The following PDGFC variants were observed in gnomAD, a reference collection of about 807,000 sequenced individuals.
The protein encoded by PDGFC is platelet-derived growth factor C.
Under a neutral mutation model 35.5 loss-of-function variants are expected in PDGFC, and 12 were observed. That is an observed-to-expected ratio of 0.34 (90% CI 0.22 to 0.55). The LOEUF is 0.55. Among genes scored for constraint, PDGFC ranks in the 20% least tolerant of loss-of-function variants. The pLI, the probability that PDGFC is intolerant of heterozygous loss-of-function variation, is 0.91. For synonymous variants in PDGFC, 159 were observed against 148.8 expected, an observed-to-expected ratio of 1.07 and a Z score of -0.50; for missense variants, 322 against 412.4, an observed-to-expected ratio of 0.78 and a Z score of 1.90.
At chr4:156,844,067 C>A (rs943240669) in intron 2 of PDGFC, among the ~76,000 whole-genome samples, 9 of 152,150 alleles carry the variant, frequency 5.9e-5, no homozygotes, top group Admixed American at 2.0e-4. Context: ...AGACCAAACT[C>A]CAAATTAACA....
intron 1 of PDGFC, among the ~76,000 whole-genome samples, chr4:156,963,158 C>T (rs1055386504): frequency 6.6e-5 from 10 of 151,972 alleles, no homozygotes; most frequent in Non-Finnish European, 1.3e-4. Flanking sequence ...AAGAAACAAC[C>T]CAACTACTAG....
At chr4:156,848,586 A>AT (rs1335696932) in intron 2 of PDGFC, among the ~76,000 whole-genome samples, 2 of 151,982 alleles carry the variant, frequency 1.3e-5, no homozygotes, top group South Asian at 4.1e-4. Context: ...TTAAAGCATA[A>AT]TTTTTTTAGT....
chr4:156,963,829 G>A (rs771527552), intron 1 of PDGFC, among the ~76,000 whole-genome samples: 3 of 152,036 alleles, frequency 2.0e-5, no homozygotes, highest in Non-Finnish European at 2.9e-5. Flanking sequence ...AATTATAAAC[G>A]TAGTTATTAT....
At chr4:156,957,462 G>C (rs1328027558) in intron 1 of PDGFC, among the ~76,000 whole-genome samples, 1 of 151,452 alleles carries the variant, frequency 6.6e-6, no homozygotes, top group Non-Finnish European at 1.5e-5. Context: ...TTATCATCTG[G>C]GCCAATTTCT....
intron 1 of PDGFC, among the ~76,000 whole-genome samples, chr4:156,887,530 A>G (rs1054049512): frequency 2.6e-5 from 4 of 152,180 alleles, no homozygotes; most frequent in African/African-American, 4.8e-5. Flanking sequence ...TATCATTCCA[A>G]AAAAGAAATC....
chr4:156,890,648 A>AG (rs1471828651), intron 1 of PDGFC, among the ~76,000 whole-genome samples: 1 of 152,178 alleles, frequency 6.6e-6, no homozygotes, highest in Non-Finnish European at 1.5e-5. Flanking sequence ...CACTAAACTG[A>AG]GATCTCTTTA....
At chr4:156,948,196 T>A (rs1731992344) in intron 1 of PDGFC, among the ~76,000 whole-genome samples, 1 of 139,198 alleles carries the variant, frequency 7.2e-6, no homozygotes, top group African/African-American at 2.7e-5. Flanking sequence ...TCTTCAAGGC[T>A]CAAGAGGGGA....
intron 1 of PDGFC, among the ~76,000 whole-genome samples, chr4:156,914,904 T>C (rs1731122761): frequency 6.6e-6 from 1 of 151,960 alleles, no homozygotes. Context: ...CAGGATTGGA[T>C]AAAATTGACT....
Position 156,970,954 on chromosome 4 carries a change from G to A in PDGFC, c.-51C>T. On this transcript the variant is annotated 5_prime_UTR_variant, in exon 1 of 6. Transcript: ENST00000502773. ...TCACGGCGGGCACTTTGGAAGCAGC[G>A]ACTCCCGAGTCTCTTTCACCACCGC... 1.7e-6 allele frequency: 2 copies of A among 1,188,614 alleles called. No individual in the cohort carries two copies. The highest frequency in any genetic ancestry group is 2.5e-6 in the Non-Finnish European group (2 of 800,420). The allele number at this position is 1,188,614 out of a possible 1,614,324, so 73.6% of individuals were successfully genotyped here.
chr4:156,854,580 TTTTATGTAAATCTCAAGC>T (rs370704267), intron 1 of PDGFC, among the ~76,000 whole-genome samples: 2,236 of 152,138 alleles, frequency 0.015, 18 homozygotes, highest in South Asian at 0.018. Context: ...ACTGTCAAAG[TTTTATGTAAATCTCAAGC>T]AACTAGGCCT....
intron 2 of PDGFC, among the ~76,000 whole-genome samples, chr4:156,833,424 A>G (rs960478807): frequency 6.6e-6 from 1 of 152,198 alleles, no homozygotes; most frequent in African/African-American, 2.4e-5. Context: ...TTAACTTTGC[A>G]CCAATCTTAA....
chr4:156,793,896 A>C (rs1180137005), intron 3 of PDGFC, among the ~76,000 whole-genome samples: 1 of 151,998 alleles, frequency 6.6e-6, no homozygotes, highest in Non-Finnish European at 1.5e-5. Flanking sequence ...CCAAATGTGA[A>C]GCACTCAAGG....
intron 3 of PDGFC, among the ~76,000 whole-genome samples, chr4:156,799,057 C>T (rs993013669): frequency 6.6e-6 from 1 of 151,874 alleles, no homozygotes; most frequent in Non-Finnish European, 1.5e-5. Context: ...ATTATTTTCC[C>T]ATAAAACAAA....
chr4:156,820,825 G>C (rs1186601486), intron 2 of PDGFC, among the ~76,000 whole-genome samples: 4 of 152,002 alleles, frequency 2.6e-5, no homozygotes, highest in Admixed American at 2.6e-4. Context: ...TTCAAATCAA[G>C]GTAAAACATT....
chr4:156,938,469 C>T (rs370908229), intron 1 of PDGFC, among the ~76,000 whole-genome samples: 12 of 152,138 alleles, frequency 7.9e-5, no homozygotes, highest in Middle Eastern at 3.4e-3. Context: ...CTTGCAGATA[C>T]ATTTTTTGAG....
Position 156,948,755 on chromosome 4 carries a change from T to G in PDGFC, c.118+22031A>C, listed in dbSNP as rs148558006. 3.5e-3 allele frequency among the ~76,000 whole-genome samples: 530 copies of G among 152,142 alleles called. 2 individuals are homozygous for G. The highest frequency in any genetic ancestry group is 0.012 in the African/African-American group (486 of 41,548). On this transcript the variant is annotated intron_variant, in intron 1 of 5. Coordinates refer to ENST00000502773, the MANE Select transcript of PDGFC (RefSeq NM_016205.3). ...AACATTTTAGTGTATTTCATTCTAG[T>G]TCCTCTACATACATAGAAATATTTA...
chr4:156,868,103 C>T (rs2111133612), intron 1 of PDGFC, among the ~76,000 whole-genome samples: 1 of 152,234 alleles, frequency 6.6e-6, no homozygotes, highest in South Asian at 2.1e-4. Flanking sequence ...GTGTGAGCCA[C>T]CGCACCCAGC....
intron 3 of PDGFC, among the ~76,000 whole-genome samples, chr4:156,789,035 A>G (rs971642120): frequency 1.3e-5 from 2 of 152,222 alleles, no homozygotes; most frequent in Non-Finnish European, 2.9e-5. Context: ...TTCCTCTGAT[A>G]TTTAGATCCT....
intron 3 of PDGFC, among the ~76,000 whole-genome samples, chr4:156,794,854 C>T (rs1039513767): frequency 4.6e-5 from 7 of 152,142 alleles, no homozygotes; most frequent in East Asian, 1.9e-4. Context: ...TACCAAGACA[C>T]GTTACCAATC....
Sources: allele counts gnomAD v4.1 joint callset (sites outside exome capture counted in the v4.1 genomes callset), GRCh38; gene constraint gnomAD v4.1.1; transcripts MANE v1.5; gene names NCBI Gene and HGNC (gene_info 2026-07-23, HGNC 2026-07-21).